Variants in SSBP3 observed in about 807,000 individuals in gnomAD.
SSBP3 encodes single stranded DNA binding protein 3, also known as single-stranded DNA-binding protein 3.
Under a neutral mutation model 69.6 loss-of-function variants are expected in SSBP3, and 5 were observed. The observed-to-expected ratio is 0.07, with a 90% CI of 0.04 to 0.15. The LOEUF (loss-of-function observed/expected upper bound fraction) is 0.15, where lower values mean the gene tolerates loss of function less well. Ranked by LOEUF, SSBP3 falls within the 10% of genes least tolerant of loss-of-function variation. The pLI is 1.00. For synonymous variants in SSBP3, 196 were observed against 193.4 expected (o/e 1.01, Z -0.11); for missense variants, 312 against 534.0 (o/e 0.58, Z 4.10).
At chr1:54,410,201 G>A (rs1649955137), upstream of SSBP3, among the ~76,000 whole-genome samples, 1 of 152,226 alleles carries the variant, frequency 6.6e-6, no homozygotes, top group Non-Finnish European at 1.5e-5. Context: ...CAAGTGAGGT[G>A]GGAGTGAAGA....
intron 4 of SSBP3, among the ~76,000 whole-genome samples, chr1:54,346,152 A>ACTTCAT (rs1198826545): frequency 6.7e-6 from 1 of 148,248 alleles, no homozygotes; most frequent in Non-Finnish European, 1.5e-5. Context: ...ACAGAGTAAG[A>ACTTCAT]CTTCATCTCA....
At chr1:54,264,083 T>C (rs1645061326) in intron 5 of SSBP3, among the ~76,000 whole-genome samples, 1 of 152,182 alleles carries the variant, frequency 6.6e-6, no homozygotes, top group Non-Finnish European at 1.5e-5. Flanking sequence ...GGAGGATTGC[T>C]TGAGCCCAGG....
At chr1:54,396,062 C>T (rs1248203363) in intron 4 of SSBP3, among the ~76,000 whole-genome samples, 1 of 151,734 alleles carries the variant, frequency 6.6e-6, no homozygotes, top group African/African-American at 2.4e-5. Flanking sequence ...TGTGGTGGCA[C>T]GCGCCTGTAA....
chr1:54,375,318 T>C (rs1647200933), intron 4 of SSBP3, among the ~76,000 whole-genome samples: 2 of 151,846 alleles, frequency 1.3e-5, no homozygotes, highest in South Asian at 2.1e-4. Flanking sequence ...TATTCATTCC[T>C]ACTTGGGGGG....
At chr1:54,280,851 G>A (rs756511765) in intron 5 of SSBP3, among the ~76,000 whole-genome samples, 1 of 152,186 alleles carries the variant, frequency 6.6e-6, no homozygotes, top group Non-Finnish European at 1.5e-5. Flanking sequence ...CGTGGGATCT[G>A]TTCCTGCCTG....
chr1:54,348,062 G>A (rs1159471631), intron 4 of SSBP3, among the ~76,000 whole-genome samples: 1 of 152,064 alleles, frequency 6.6e-6, no homozygotes, highest in Non-Finnish European at 1.5e-5. Flanking sequence ...ATGACTCCGT[G>A]CAACCAACCA....
intron 4 of SSBP3, among the ~76,000 whole-genome samples, chr1:54,378,904 C>A (rs147047911): frequency 2.2e-4 from 33 of 152,368 alleles, no homozygotes; most frequent in African/African-American, 7.5e-4. Context: ...TTCACTCACA[C>A]AGCTCTGGGC....
intron 4 of SSBP3, among the ~76,000 whole-genome samples, chr1:54,357,435 G>A (rs1646886657): frequency 6.6e-6 from 1 of 152,110 alleles, no homozygotes; most frequent in Non-Finnish European, 1.5e-5. Context: ...TGGGGGCTGG[G>A]GGTAGGGTGT....
chr1:54,295,019 C>A (rs1220954499), intron 4 of SSBP3, among the ~76,000 whole-genome samples: 4 of 152,150 alleles, frequency 2.6e-5, no homozygotes, highest in Admixed American at 1.3e-4. Flanking sequence ...TTATAGCAGA[C>A]ATGGTTTTTG....
At chr1:54,406,076 C>G in exon 1 of SSBP3, 1 of 1,291,604 alleles carries the variant, frequency 7.7e-7, no homozygotes, top group Non-Finnish European at 1.0e-6. Flanking sequence ...CTCCGGCTCT[C>G]CCGAGCTGCC....
intron 4 of SSBP3, among the ~76,000 whole-genome samples, chr1:54,304,504 A>C (rs59344756): frequency 1.3e-5 from 2 of 152,126 alleles, no homozygotes; most frequent in Non-Finnish European, 2.9e-5. Flanking sequence ...AAGAGAAGCC[A>C]GGTGAGGCTG....
At chr1:54,319,479 C>T (rs1019682505) in intron 4 of SSBP3, among the ~76,000 whole-genome samples, 23 of 152,120 alleles carry the variant, frequency 1.5e-4, no homozygotes, top group Non-Finnish European at 4.4e-5. Context: ...GAAGCAGAAA[C>T]CCCTTTATAA....
chr1:54,381,012 G>C (rs1569998660), intron 4 of SSBP3, among the ~76,000 whole-genome samples: 1 of 151,736 alleles, frequency 6.6e-6, no homozygotes, highest in East Asian at 1.9e-4. Flanking sequence ...TGTAATTCCA[G>C]CTACTCAGAG....
At chr1:54,360,933 A>C (rs913739350) in intron 4 of SSBP3, among the ~76,000 whole-genome samples, 3 of 151,754 alleles carry the variant, frequency 2.0e-5, no homozygotes, top group Non-Finnish European at 4.4e-5. Context: ...AAAAAAAAAA[A>C]AAATCTGCCA....
At chr1:54,363,834 C>A (rs769806239) in intron 4 of SSBP3, among the ~76,000 whole-genome samples, 1 of 152,194 alleles carries the variant, frequency 6.6e-6, no homozygotes. Context: ...TTTACCAAAT[C>A]TTACAACTCT....
At chr1:54,339,989 C>G (rs1255464877) in intron 4 of SSBP3, among the ~76,000 whole-genome samples, 1 of 152,028 alleles carries the variant, frequency 6.6e-6, no homozygotes, top group South Asian at 2.1e-4. Context: ...TATACTAATG[C>G]TGGAAGGGAG....
intron 4 of SSBP3, among the ~76,000 whole-genome samples, chr1:54,396,207 A>AAAAAAAAAAAC (rs1648866521): frequency 6.7e-6 from 1 of 149,966 alleles, no homozygotes; most frequent in African/African-American, 2.5e-5. Context: ...AAAAAAAAAA[A>AAAAAAAAAAAC]AAAAAAAAAA....
intron 4 of SSBP3, among the ~76,000 whole-genome samples, chr1:54,298,589 C>T (rs1182813326): frequency 2.0e-5 from 3 of 152,166 alleles, no homozygotes; most frequent in Admixed American, 6.5e-5. Flanking sequence ...AACTTCTTTT[C>T]GTAGCTTTAG....
chr1:54,296,528 C>T (rs1645706507), intron 4 of SSBP3, among the ~76,000 whole-genome samples: 1 of 152,330 alleles, frequency 6.6e-6, no homozygotes, highest in East Asian at 1.9e-4. Context: ...AGTCCCACAG[C>T]CAGGCTGGAC....
Sources: allele counts gnomAD v4.1 joint callset (sites outside exome capture counted in the v4.1 genomes callset), GRCh38; gene constraint gnomAD v4.1.1; transcripts MANE v1.5; gene names NCBI Gene and HGNC (gene_info 2026-07-23, HGNC 2026-07-21).